PCDHGA11: variants seen among roughly 807,000 people sequenced by gnomAD.
PCDHGA11 encodes protocadherin gamma subfamily A, 11, also known as protocadherin gamma-A11.
PCDHGA11 carries 39 observed loss-of-function variants against 60.4 expected under a neutral mutation model. That is an observed-to-expected ratio of 0.65 (90% confidence interval 0.50 to 0.84). The LOEUF is 0.84. Among genes scored for constraint, PCDHGA11 ranks in the 40% least tolerant of loss-of-function variants. The probability of loss-of-function intolerance (pLI) is 0.00; values close to 1 mark genes in which losing one functional copy is unlikely to be tolerated. For missense variants in PCDHGA11, 1,165 were observed against 1,197.7 expected (o/e 0.97, Z 0.40); for synonymous variants, 533 against 510.3 (o/e 1.04, Z -0.60).
At position 141,486,927 on chromosome 5, in the gene PCDHGA11, G is replaced by A; in HGVS notation, c.2434-7880G>A. ...CCCCAAGCACTGCCTCCATCAGTTG[G>A]TGCTGGCCACCTAATCACAAAGGTG... On this transcript the variant is annotated intron_variant, in intron 1 of 3. Transcript: ENST00000398587. The surrounding 1 kb of genome is among the most constrained non-coding windows in gnomAD (Gnocchi z 5.0). 4 of 1,614,226 alleles carry A rather than the reference G, an allele frequency of 2.5e-6. No individual in the cohort carries two copies. Among genetic ancestry groups the A allele is most frequent in the Non-Finnish European group, 3.4e-6 (4 of 1,180,046 alleles).
intron 2 of PCDHGA11, among the ~76,000 whole-genome samples, chr5:141,499,879 G>C (rs1470090790): frequency 9.2e-5 from 14 of 151,952 alleles, no homozygotes. Flanking sequence ...GTACAAACAG[G>C]GTTTCGCCAT....
chr5:141,441,768 T>C, intron 1 of PCDHGA11: 1 of 387,074 alleles, frequency 2.6e-6, no homozygotes. Context: ...CCTGCGCGTG[T>C]TGGTGGACGA....
intron 1 of PCDHGA11, among the ~76,000 whole-genome samples, chr5:141,458,436 C>T (rs2098945707): frequency 6.6e-6 from 1 of 152,056 alleles, no homozygotes; most frequent in Non-Finnish European, 1.5e-5. Context: ...AAGAGGAGGT[C>T]CCCCACATTA....
intron 1 of PCDHGA11, among the ~76,000 whole-genome samples, chr5:141,456,023 G>A (rs937523861): frequency 1.3e-5 from 2 of 151,586 alleles, no homozygotes; most frequent in South Asian, 2.1e-4. Context: ...TCAGCCTCCC[G>A]AGTAGCTGGG....
intron 1 of PCDHGA11, among the ~76,000 whole-genome samples, chr5:141,425,105 G>C (rs1227234896): frequency 2.0e-5 from 3 of 152,236 alleles, no homozygotes; most frequent in African/African-American, 7.2e-5. Flanking sequence ...TCCAACAGAT[G>C]CCTACATTTT....
At position 141,421,683 on chromosome 5, in the gene PCDHGA11, A is replaced by G. The variant is rs1238944281; in HGVS notation, c.456A>G (p.Arg152=). The change falls in exon 1 of 4, where the codon CGA becomes CGG. Residue 152 remains arginine (R), a synonymous_variant. Coordinates refer to ENST00000398587, the MANE Select transcript of PCDHGA11 (RefSeq NM_018914.3). ...GTGAGCACGCAATTCCTGGGGCGCG[A>G]TTTGCTCTTCCTAATGCTAGGGATC... ...KVSEHAIPGA[R]FALPNARDPD... is the part of the protein sequence containing the mutation. 1.2e-6 allele frequency: 2 copies of G among 1,613,758 alleles called. No individual in the cohort carries two copies. The highest frequency in any genetic ancestry group is 1.3e-5 in the African/African-American group (1 of 74,908).
intron 1 of PCDHGA11, among the ~76,000 whole-genome samples, chr5:141,459,014 T>G (rs1429233660): frequency 6.6e-6 from 1 of 152,240 alleles, no homozygotes; most frequent in Non-Finnish European, 1.5e-5. Flanking sequence ...ATTACAGGCA[T>G]GAGCCACCAC....
intron 2 of PCDHGA11, among the ~76,000 whole-genome samples, chr5:141,502,894 G>C (rs1342496006): frequency 6.8e-6 from 1 of 147,968 alleles, no homozygotes; most frequent in Non-Finnish European, 1.5e-5. Context: ...AGGGAGTCTA[G>C]CTCTGTTGCC....
intron 1 of PCDHGA11, chr5:141,430,844 A>C: frequency 6.4e-7 from 1 of 1,571,464 alleles, no homozygotes; most frequent in Non-Finnish European, 8.6e-7. Flanking sequence ...GACCGGATGC[A>C]CCCAGATACG....
chr5:141,439,568 A>G (rs2098121048), intron 1 of PCDHGA11, among the ~76,000 whole-genome samples: 1 of 152,208 alleles, frequency 6.6e-6, no homozygotes, highest in Non-Finnish European at 1.5e-5. Context: ...GTTCTAGAGT[A>G]GGGACTCAGA....
intron 1 of PCDHGA11, among the ~76,000 whole-genome samples, chr5:141,434,605 T>C (rs1448149059): frequency 6.6e-6 from 1 of 152,198 alleles, no homozygotes; most frequent in Non-Finnish European, 1.5e-5. Context: ...ATCCCTTTAT[T>C]TCCGCCCATC....
Position 141,511,132 on chromosome 5 carries a change from A to G in PCDHGA11, c.2767A>G (p.Asn923Asp). The change falls in exon 4 of 4, where the codon AAT (asparagine) becomes GAT (aspartate). Residue 923 changes from asparagine to aspartate, a missense_variant. Coordinates refer to ENST00000398587, the MANE Select transcript of PCDHGA11 (RefSeq NM_018914.3). ...GGATGGCAAGGCCCCAGCAGGTGGC[A>G]ATGGCAACAAGAAGAAGTCGGGCAA... ...KRDGKAPAGG[N>D]GNKKKSGKKE... is the part of the protein sequence containing the mutation. The G allele has an allele frequency of 6.2e-7, 1 of 1,614,218 alleles. No individual in the cohort carries two copies. Among genetic ancestry groups the G allele is most frequent in the Non-Finnish European group, 8.5e-7 (1 of 1,180,018 alleles).
In PCDHGA11 at chr5:141,486,440, A is replaced by G; in HGVS notation, c.2434-8367A>G. 6.2e-7 allele frequency: 1 copy of G among 1,614,114 alleles called. No individual in the cohort carries two copies. The highest frequency in any genetic ancestry group is 8.5e-7 in the Non-Finnish European group (1 of 1,179,936). On this transcript the variant is annotated intron_variant, in intron 1 of 3. Coordinates refer to ENST00000398587, the MANE Select transcript of PCDHGA11 (RefSeq NM_018914.3). This position sits in a 1 kb window ranked among gnomAD's most constrained non-coding sequence, Gnocchi z 5.0. ...TCGAGAGGCCAAATCTAGCTATGACATCATGGTCACTGCTTCTGATGCTGG... is the reference window on the plus strand; with the variant it reads ...TCGAGAGGCCAAATCTAGCTATGACGTCATGGTCACTGCTTCTGATGCTGG...
At chr5:141,453,700 G>A (rs953445370) in intron 1 of PCDHGA11, among the ~76,000 whole-genome samples, 1 of 152,166 alleles carries the variant, frequency 6.6e-6, no homozygotes, top group Non-Finnish European at 1.5e-5. Flanking sequence ...TCCTGGCTTT[G>A]AACAGTTTCA....
At chr5:141,478,500 T>G in intron 1 of PCDHGA11, 1 of 1,612,740 alleles carries the variant, frequency 6.2e-7, no homozygotes, top group Non-Finnish European at 8.5e-7. Flanking sequence ...TGTGATCCGG[T>G]GTTCTATAGG....
chr5:141,453,101 T>TTTCTG (rs1554138035), intron 1 of PCDHGA11, among the ~76,000 whole-genome samples: 1 of 152,012 alleles, frequency 6.6e-6, no homozygotes, highest in Non-Finnish European at 1.5e-5. Context: ...TTCTGTTGCT[T>TTTCTG]TTTTGTTTTG....
At position 141,485,142 on chromosome 5, in the gene PCDHGA11, A is replaced by C. The variant is rs979255582; in HGVS notation, c.2434-9665A>C. 5 of 1,554,566 alleles carry C rather than the reference A, an allele frequency of 3.2e-6. No homozygotes were observed. The highest frequency in any genetic ancestry group is 3.5e-6 in the Non-Finnish European group (4 of 1,131,592). On this transcript the variant is annotated intron_variant, in intron 1 of 3. Transcript: ENST00000398587. The surrounding 1 kb of genome is among the most constrained non-coding windows in gnomAD (Gnocchi z 5.7). ...GGCGGGTCGGCTTCATCCGCGTCTC[A>C]GGAGCAAGTAGAGAATTAGCGGGCG... is the stretch of plus-strand genomic sequence containing the variant.
chr5:141,466,812 G>T (rs1394979761), intron 1 of PCDHGA11, among the ~76,000 whole-genome samples: 1 of 151,940 alleles, frequency 6.6e-6, no homozygotes, highest in African/African-American at 2.4e-5. Flanking sequence ...ATTCAGACAT[G>T]GTATAACAAG....
intron 1 of PCDHGA11, chr5:141,433,288 G>A (rs2097582001): frequency 5.3e-6 from 6 of 1,136,424 alleles, no homozygotes; most frequent in Non-Finnish European, 7.5e-6. Flanking sequence ...CAAACTCCTA[G>A]GCTCAAGCAA....
Sources: gnomAD v4.1 joint callset for allele counts (sites outside exome capture counted in the v4.1 genomes callset) on GRCh38, gnomAD v4.1.1 for gene constraint, Gnocchi (gnomAD v3.1) non-coding constraint, MANE v1.5 for transcripts, NCBI Gene and HGNC (gene_info 2026-07-23, HGNC 2026-07-21) for gene names.